The following SCHIP1 variants were observed in gnomAD, a reference collection of about 807,000 sequenced individuals.
SCHIP1 encodes schwannomin interacting protein 1, also known as schwannomin-interacting protein 1.
SCHIP1 carries 8 observed loss-of-function variants against 29.7 expected under a neutral mutation model. That is an observed-to-expected ratio of 0.27 (90% CI 0.16 to 0.49). The LOEUF is 0.49. Among genes scored for constraint, SCHIP1 ranks in the 20% least tolerant of loss-of-function variants. SCHIP1 has a pLI of 0.99. For synonymous variants in SCHIP1, 76 were observed against 94.9 expected, an observed-to-expected ratio of 0.80 and a Z score of 1.16; for missense variants, 193 against 294.6, an observed-to-expected ratio of 0.66 and a Z score of 2.52.
At position 159,857,414 on chromosome 3, in the gene SCHIP1, C is replaced by T. The variant is rs116327743; in HGVS notation, c.31-8749C>T. 5.9e-3 allele frequency among the ~76,000 whole-genome samples: 904 copies of T among 152,168 alleles called. 11 individuals are homozygous for T. Among genetic ancestry groups the T allele is most frequent in the African/African-American group, 0.02 (832 of 41,506 alleles). ...TTAGGCTTCCAGCTCTCCTCATTTT[C>T]GTGTGTGTGTATGGCTTTTTTAAAA... On this transcript the variant is annotated intron_variant, in intron 1 of 6. Transcript: ENST00000445224.
the SCHIP1 span, among the ~76,000 whole-genome samples, chr3:159,394,236 G>T: frequency 1.3e-5 from 2 of 150,800 alleles, no homozygotes; most frequent in South Asian, 2.1e-4. Context: ...GGGTTTTCTA[G>T]ATATACAATC....
chr3:159,279,577 A>T, the SCHIP1 span, among the ~76,000 whole-genome samples: 3 of 152,082 alleles, frequency 2.0e-5, no homozygotes, highest in Non-Finnish European at 4.4e-5. Context: ...CTGTGGGAAG[A>T]CTTCTTCCTC....
chr3:159,404,212 A>C, the SCHIP1 span, among the ~76,000 whole-genome samples: 2 of 152,104 alleles, frequency 1.3e-5, no homozygotes, highest in African/African-American at 2.4e-5. Context: ...TCCTAGCTTT[A>C]GTGGCTACAG....
the SCHIP1 span, among the ~76,000 whole-genome samples, chr3:159,700,645 C>A: frequency 1.3e-5 from 2 of 152,078 alleles, no homozygotes; most frequent in Non-Finnish European, 2.9e-5. Context: ...TATGGTGAAA[C>A]CCCATCTCTA....
chr3:159,589,413 A>T, the SCHIP1 span, among the ~76,000 whole-genome samples: 4 of 152,140 alleles, frequency 2.6e-5, no homozygotes, highest in African/African-American at 9.7e-5. Flanking sequence ...GCAAACAGGG[A>T]CAATTTGACT....
At chr3:159,428,284 T>G in the SCHIP1 span, among the ~76,000 whole-genome samples, 5 of 151,978 alleles carry the variant, frequency 3.3e-5, no homozygotes, top group African/African-American at 4.8e-5. Flanking sequence ...GAAAATTTTC[T>G]CAACCTACTC....
the SCHIP1 span, among the ~76,000 whole-genome samples, chr3:159,303,340 G>A: frequency 1.7e-3 from 252 of 152,134 alleles, no homozygotes; most frequent in Non-Finnish European, 2.7e-3. Context: ...TGAAGAATGG[G>A]CTGAACCTTC....
chr3:159,375,539 A>G, the SCHIP1 span, among the ~76,000 whole-genome samples: 1 of 152,192 alleles, frequency 6.6e-6, no homozygotes, highest in African/African-American at 2.4e-5. Flanking sequence ...GATGGAGACC[A>G]TCCTGGCCAA....
the SCHIP1 span, among the ~76,000 whole-genome samples, chr3:159,328,732 C>T: frequency 6.6e-6 from 1 of 152,164 alleles, no homozygotes; most frequent in South Asian, 2.1e-4. Context: ...CACCAGGGGT[C>T]AAGACTTGTC....
At chr3:159,626,217 G>GAT in the SCHIP1 span, among the ~76,000 whole-genome samples, 30 of 95,846 alleles carry the variant, frequency 3.1e-4, 2 homozygotes, top group African/African-American at 9.7e-4. Context: ...GATATATCTA[G>GAT]ATATATATAT....
At chr3:159,814,135 A>T in the SCHIP1 span, among the ~76,000 whole-genome samples, 1 of 152,156 alleles carries the variant, frequency 6.6e-6, no homozygotes, top group Non-Finnish European at 1.5e-5. Flanking sequence ...GAGGAGAACT[A>T]GGATGCCCAA....
chr3:159,896,825 G>A (rs771499045), exon 7 of SCHIP1: 3 of 1,558,868 alleles, frequency 1.9e-6, no homozygotes, highest in South Asian at 2.5e-5. Context: ...TGCTTCTGTG[G>A]TTGTAAAAAT....
the SCHIP1 span, among the ~76,000 whole-genome samples, chr3:159,448,313 A>G: frequency 2.6e-5 from 4 of 152,116 alleles, no homozygotes; most frequent in Non-Finnish European, 5.9e-5. Flanking sequence ...TCTACTAAAA[A>G]TACAAAAATT....
chr3:159,279,446 C>T, the SCHIP1 span, among the ~76,000 whole-genome samples: 1 of 152,154 alleles, frequency 6.6e-6, no homozygotes, highest in East Asian at 1.9e-4. Flanking sequence ...TGGACTAATA[C>T]ACATGCCATA....
the SCHIP1 span, among the ~76,000 whole-genome samples, chr3:159,674,687 G>T: frequency 4.6e-5 from 7 of 151,288 alleles, no homozygotes; most frequent in Admixed American, 2.6e-4. Flanking sequence ...AGGGAGGCAA[G>T]GTGTATATAA....
chr3:159,507,250 A>C, the SCHIP1 span, among the ~76,000 whole-genome samples: 3 of 151,872 alleles, frequency 2.0e-5, no homozygotes, highest in African/African-American at 7.2e-5. Context: ...GAGTTCACTC[A>C]TGATTTGGCA....
At chr3:159,310,059 T>G in the SCHIP1 span, among the ~76,000 whole-genome samples, 1 of 152,224 alleles carries the variant, frequency 6.6e-6, no homozygotes, top group Non-Finnish European at 1.5e-5. Context: ...TGTCACTACC[T>G]GCTCAAATGT....
At chr3:159,531,852 T>C in the SCHIP1 span, among the ~76,000 whole-genome samples, 3 of 152,188 alleles carry the variant, frequency 2.0e-5, no homozygotes. Flanking sequence ...AGAGAATTAA[T>C]GAGCAAAAGC....
At chr3:159,764,844 C>T in the SCHIP1 span, 3 of 1,591,916 alleles carry the variant, frequency 1.9e-6, no homozygotes, top group Non-Finnish European at 2.6e-6. The surrounding 1 kb of genome is among the most constrained non-coding windows in gnomAD (Gnocchi z 6.1). Flanking sequence ...TCCACCAGCA[C>T]GACCCCCAGG....
Sources: allele counts gnomAD v4.1 joint callset (sites outside exome capture counted in the v4.1 genomes callset), GRCh38; gene constraint gnomAD v4.1.1; non-coding constraint Gnocchi (gnomAD v3.1); transcripts MANE v1.5; gene names NCBI Gene and HGNC (gene_info 2026-07-23, HGNC 2026-07-21).